Variants in CSMD1 observed in about 807,000 individuals in gnomAD.
CSMD1 encodes CUB and Sushi multiple domains 1.
In CSMD1, 213 loss-of-function variants were observed where a neutral mutation model predicts 417.5. That is an observed-to-expected ratio of 0.51 (90% CI 0.46 to 0.57). The LOEUF is 0.57. Ranked by LOEUF, CSMD1 falls within the 20% of genes least tolerant of loss-of-function variation. CSMD1 has a pLI of 0.00. For synonymous variants in CSMD1, 2,862 were observed against 1,736.8 expected (o/e 1.65, Z -16.11); for missense variants, 6,923 against 4,529.7 (o/e 1.53, Z -15.17).
chr8:3,962,692 G>C (rs749196870), intron 5 of CSMD1, among the ~76,000 whole-genome samples: 2 of 152,108 alleles, frequency 1.3e-5, no homozygotes, highest in South Asian at 2.1e-4. Context: ...GGGGAGTGTG[G>C]TGCAGAGGTG....
chr8:3,966,233 T>C (rs1006650139), intron 5 of CSMD1, among the ~76,000 whole-genome samples: 1 of 152,138 alleles, frequency 6.6e-6, no homozygotes, highest in African/African-American at 2.4e-5. Context: ...GCTAAATGAT[T>C]TCCGCCCATA....
At chr8:3,524,905 G>C (rs1797691549) in intron 10 of CSMD1, among the ~76,000 whole-genome samples, 1 of 151,396 alleles carries the variant, frequency 6.6e-6, no homozygotes, top group Non-Finnish European at 1.5e-5. Context: ...GTTAAAAATA[G>C]TAATAAACTT....
chr8:3,934,606 G>C (rs1475439453), intron 5 of CSMD1, among the ~76,000 whole-genome samples: 1 of 152,132 alleles, frequency 6.6e-6, no homozygotes. Context: ...TGTAATCTCA[G>C]CACTTTGGCA....
chr8:4,905,976 C>T (rs1673921949), intron 1 of CSMD1, among the ~76,000 whole-genome samples: 1 of 152,144 alleles, frequency 6.6e-6, no homozygotes, highest in Non-Finnish European at 1.5e-5. Context: ...CCTTCAAATA[C>T]TTTCGGCAAC....
At chr8:4,432,885 C>T (rs548594276) in intron 2 of CSMD1, among the ~76,000 whole-genome samples, 2 of 152,298 alleles carry the variant, frequency 1.3e-5, no homozygotes, top group South Asian at 2.1e-4. Context: ...ATGTGGCTGC[C>T]CATCAAGGGG....
intron 1 of CSMD1, among the ~76,000 whole-genome samples, chr8:4,918,086 A>AC (rs1806190548): frequency 1.0e-5 from 1 of 96,628 alleles, no homozygotes; most frequent in Admixed American, 1.1e-4. Context: ...AGTTAGCAAT[A>AC]CTTTTAAAAA....
At chr8:4,141,574 A>C (rs757292389) in intron 3 of CSMD1, among the ~76,000 whole-genome samples, 5 of 151,184 alleles carry the variant, frequency 3.3e-5, no homozygotes, top group Non-Finnish European at 7.3e-5. Context: ...ACCTGTACAG[A>C]ACGAGTAACT....
intron 1 of CSMD1, among the ~76,000 whole-genome samples, chr8:4,763,424 G>T (rs1178352321): frequency 2.0e-5 from 3 of 152,030 alleles, no homozygotes; most frequent in African/African-American, 7.2e-5. Flanking sequence ...TAAAATATAG[G>T]TCACTTACAA....
intron 1 of CSMD1, among the ~76,000 whole-genome samples, chr8:4,715,789 C>A (rs192764393): frequency 4.6e-5 from 7 of 152,124 alleles, no homozygotes; most frequent in African/African-American, 7.2e-5. Flanking sequence ...CCCTTCAAAA[C>A]GAGCCCGTCC....
chr8:4,173,390 G>C (rs777004000), intron 3 of CSMD1, among the ~76,000 whole-genome samples: 3 of 152,140 alleles, frequency 2.0e-5, no homozygotes, highest in African/African-American at 4.8e-5. Context: ...GAGGCATAAA[G>C]AGAAGTTTGC....
At chr8:4,875,010 C>T (rs1273939661) in intron 1 of CSMD1, among the ~76,000 whole-genome samples, 2 of 149,864 alleles carry the variant, frequency 1.3e-5, no homozygotes, top group African/African-American at 2.5e-5. Flanking sequence ...TCTTTTCTTC[C>T]TTTTCTCCCT....
intron 3 of CSMD1, among the ~76,000 whole-genome samples, chr8:4,138,044 A>ATTTTTTTTTTTTTTTTTT (rs55993904): frequency 1.6e-5 from 1 of 62,696 alleles, no homozygotes; most frequent in African/African-American, 6.3e-5. Context: ...TGCCCGGCTA[A>ATTTTTTTTTTTTTTTTTT]TTTTTTTTTT....
intron 42 of CSMD1, among the ~76,000 whole-genome samples, chr8:3,113,944 G>C (rs1343561784): frequency 6.6e-6 from 1 of 152,166 alleles, no homozygotes; most frequent in African/African-American, 2.4e-5. Flanking sequence ...CAGGCTGGCT[G>C]TTATGGCTCA....
chr8:3,363,261 T>G (rs1047321999), intron 20 of CSMD1, among the ~76,000 whole-genome samples: 3 of 152,190 alleles, frequency 2.0e-5, no homozygotes, highest in Non-Finnish European at 4.4e-5. Flanking sequence ...TCCCAGGTAC[T>G]CATGACTCAA....
chr8:4,925,315 G>C (rs1231340837), intron 1 of CSMD1, among the ~76,000 whole-genome samples: 1 of 134,388 alleles, frequency 7.4e-6, no homozygotes, highest in African/African-American at 2.8e-5. Context: ...GACACAAGTA[G>C]GTGGTCTTTG....
intron 2 of CSMD1, among the ~76,000 whole-genome samples, chr8:4,544,875 G>A (rs757761204): frequency 6.6e-6 from 1 of 152,286 alleles, no homozygotes; most frequent in African/African-American, 2.4e-5. Context: ...AAGCAGCAAG[G>A]AATCTTCTCC....
intron 18 of CSMD1, among the ~76,000 whole-genome samples, chr8:3,377,338 T>C (rs1810375196): frequency 6.6e-6 from 1 of 152,320 alleles, no homozygotes; most frequent in South Asian, 2.1e-4. Flanking sequence ...CCACAAATTC[T>C]TTATACTGAG....
chr8:3,607,625 T>A (rs1382852981), intron 8 of CSMD1, among the ~76,000 whole-genome samples: 3 of 152,208 alleles, frequency 2.0e-5, no homozygotes, highest in African/African-American at 7.2e-5. Flanking sequence ...CATTAAAATC[T>A]TAAGGGAAAA....
At chr8:3,475,701 T>C (rs780478159) in intron 11 of CSMD1, among the ~76,000 whole-genome samples, 5 of 152,356 alleles carry the variant, frequency 3.3e-5, no homozygotes, top group Non-Finnish European at 7.3e-5. Flanking sequence ...TTGCAGTCAG[T>C]ATCGATGTTG....
Sources: allele counts gnomAD v4.1 joint callset (sites outside exome capture counted in the v4.1 genomes callset), GRCh38; gene constraint gnomAD v4.1.1; transcripts MANE v1.5; gene names NCBI Gene and HGNC (gene_info 2026-07-23, HGNC 2026-07-21).